Variants in EPRS1 observed in about 807,000 individuals in gnomAD.
The protein encoded by EPRS1 is bifunctional glutamate/proline--tRNA ligase.
EPRS1 carries 107 observed loss-of-function variants against 188.3 expected under a neutral mutation model. The ratio of observed to expected loss-of-function variants is 0.57; its 90% CI spans 0.49 to 0.67. The LOEUF (loss-of-function observed/expected upper bound fraction) is 0.67, where lower values mean the gene tolerates loss of function less well. EPRS1 is among the 30% of genes least tolerant of loss of function. The pLI, the probability that EPRS1 is intolerant of heterozygous loss-of-function variation, is 0.00. For missense variants in EPRS1, 1,577 were observed against 1,802.2 expected (o/e 0.88, Z 2.26); for synonymous variants, 596 against 593.1 (o/e 1.00, Z -0.07).
chr1:220,034,830 A>G lies in EPRS1; in HGVS notation c.231+84T>C. 9.8e-6 allele frequency: 8 copies of G among 813,970 alleles called. No homozygotes were observed. In the South Asian group the frequency reaches 1.1e-4, roughly 11 times the overall value. The allele number at this position is 813,970 out of a possible 1,614,324, so 50.4% of individuals were successfully genotyped here. A position where few individuals can be genotyped will look rare whatever the true frequency, so the allele number is the denominator to read the frequency against. The stretch of plus-strand genomic sequence containing the variant: ...TTAATATCCTTAAGTAGAATAGTTC[A>G]TAAGCCAACAATAAATGATGAGGTT... On this transcript the variant is annotated intron_variant, in intron 3 of 31. Transcript: ENST00000366923.
intron 1 of EPRS1, among the ~76,000 whole-genome samples, chr1:220,045,863 A>T (rs546108763): frequency 6.6e-6 from 1 of 152,330 alleles, no homozygotes; most frequent in Admixed American, 6.5e-5. Flanking sequence ...CGTAAGGAAA[A>T]TTTGACTCAA....
intron 1 of EPRS1, among the ~76,000 whole-genome samples, chr1:220,041,160 G>A (rs1224102564): frequency 6.6e-6 from 1 of 151,034 alleles, no homozygotes; most frequent in East Asian, 2.0e-4. Flanking sequence ...GTGAGACCCC[G>A]TCTCTACAAA....
Position 219,987,418 on chromosome 1 carries a change from A to G in EPRS1, c.2776-14T>C. The G allele has an allele frequency of 6.4e-7, 1 of 1,571,818 alleles. No homozygotes were observed. Among genetic ancestry groups the G allele is most frequent in the Non-Finnish European group, 8.6e-7 (1 of 1,160,660 alleles). On this transcript the variant is annotated splice_polypyrimidine_tract_variant and intron_variant, in intron 19 of 31. Transcript: ENST00000366923. The stretch of plus-strand genomic sequence containing the variant: ...ATCTACTTGATCCTTTAGTTTAACA[A>G]AAGAGGAAAAAGAGAAGACAGTATT...
chr1:219,987,020 T>C, intron 20 of EPRS1, 122 bp downstream of exon 20: 1 of 1,020,886 alleles, frequency 9.8e-7, no homozygotes, highest in Non-Finnish European at 1.5e-6. Context: ...CTGCTGACAT[T>C]GTAGCTTTAG....
rs974436345 is a variant in EPRS1, at chr1:220,001,026, G to A, written c.2181+112C>T. On this transcript the variant is annotated intron_variant, in intron 17 of 31. Coordinates refer to ENST00000366923, the MANE Select transcript of EPRS1 (RefSeq NM_004446.3). ...AAAATGCAAAGAGCAAGACTTAACTGTCTTCTTCAGTCTCCACAGTAAGAA... is the reference window on the plus strand; with the variant it reads ...AAAATGCAAAGAGCAAGACTTAACTATCTTCTTCAGTCTCCACAGTAAGAA... The A allele has an allele frequency of 8.4e-6, 6 of 715,784 alleles. No individual in the cohort carries two copies. In the Admixed American group the frequency reaches 1.1e-4, roughly 13 times the overall value. 44.3% of individuals were successfully genotyped at this position (715,784 alleles called of 1,614,324 possible).
At chr1:220,038,427 G>T in intron 2 of EPRS1, among the ~76,000 whole-genome samples, 1 of 108,150 alleles carries the variant, frequency 9.2e-6, no homozygotes, top group Admixed American at 1.4e-4. Context: ...GTCTCCCTCT[G>T]TCATCCATGC....
chr1:220,046,071 GA>G (rs1437349823), intron 1 of EPRS1, among the ~76,000 whole-genome samples: 1 of 152,192 alleles, frequency 6.6e-6, no homozygotes, highest in Non-Finnish European at 1.5e-5. Context: ...CTGAGAAAAA[GA>G]TCCGAAGCGG....
chr1:220,042,204 C>T (rs1662309569), intron 1 of EPRS1, among the ~76,000 whole-genome samples: 1 of 149,116 alleles, frequency 6.7e-6, no homozygotes, highest in African/African-American at 2.5e-5. Context: ...AAAAAAAGGC[C>T]ACATGCAATG....
At chr1:219,976,340 T>G (rs915820491) in intron 28 of EPRS1, among the ~76,000 whole-genome samples, 12 of 152,164 alleles carry the variant, frequency 7.9e-5, no homozygotes, top group African/African-American at 2.9e-4. Context: ...AATAACTACA[T>G]GCAACACATA....
chr1:219,981,421 T>G lies in EPRS1; in HGVS notation c.3410A>C (p.His1137Pro). 6.2e-7 allele frequency: 1 copy of G among 1,609,354 alleles called. No individual in the cohort carries two copies. Among genetic ancestry groups the G allele is most frequent in the South Asian group, 1.1e-5 (1 of 90,240 alleles). ...ATTGAGCTTGATGGGCAGGTCTCTGTGTGACTGTACCCATTTTGCATATGC... is the reference window on the plus strand; with the variant it reads ...ATTGAGCTTGATGGGCAGGTCTCTGGGTGACTGTACCCATTTTGCATATGC... ...YPAYAKWVQS[H>P]RDLPIKLNQW... Residue 1137 changes from histidine to proline, a missense_variant, in exon 24 of 32, where the codon CAC becomes CCC. By Grantham distance (77) the His-to-Pro change is moderately conservative (BLOSUM62 -2). Coordinates refer to ENST00000366923, the MANE Select transcript of EPRS1 (RefSeq NM_004446.3).
chr1:219,974,579 A>G (rs1874810), intron 28 of EPRS1, among the ~76,000 whole-genome samples: 132,084 of 152,074 alleles, frequency 0.87, 57,734 homozygotes, highest in African/African-American at 0.97. Flanking sequence ...TTTAGATGAC[A>G]GGTGGTCACC....
chr1:220,028,109 A>T lies in EPRS1; in HGVS notation c.623+2277T>A, dbSNP rs1386788502. 2.2e-4 allele frequency among the ~76,000 whole-genome samples: 34 copies of T among 152,120 alleles called. 1 individual carries two copies. The highest frequency in any genetic ancestry group is 2.2e-3 in the Admixed American group (34 of 15,278). ...GTAAATCTAAAACTATTCTAAAATTAAAAATTTATTAAAAATAAAACTAAA... is the reference window on the plus strand; with the variant it reads ...GTAAATCTAAAACTATTCTAAAATTTAAAATTTATTAAAAATAAAACTAAA... On this transcript the variant is annotated intron_variant, in intron 6 of 31. Transcript: ENST00000366923.
rs778070351 is a variant in EPRS1, at chr1:219,984,276, A to G, written c.3039-19T>C. ...ACCCAACCTGCAGATGTGAAAAGTA[A>G]AAGATAAATATCTTCATTCAGCAAC... On this transcript the variant is annotated intron_variant, in intron 20 of 31. Transcript: ENST00000366923. 1.9e-6 allele frequency: 3 copies of G among 1,591,986 alleles called. No homozygotes were observed. Among genetic ancestry groups the G allele is most frequent in the East Asian group, 2.2e-5 (1 of 44,712 alleles).
chr1:219,998,582 C>T (rs1430268649), intron 17 of EPRS1, among the ~76,000 whole-genome samples: 22 of 140,124 alleles, frequency 1.6e-4, no homozygotes, highest in African/African-American at 5.9e-4. Flanking sequence ...CTTGCTCTGC[C>T]GCCAGGCTGG....
Position 219,980,791 on chromosome 1 carries a change from T to G in EPRS1, c.3520A>C (p.Ser1174Arg), listed in dbSNP as rs1016030009. Residue 1174 changes from serine (S) to arginine (R), a missense_variant, in exon 25 of 32, where the codon AGT becomes CGT. Physicochemically the swap from Ser to Arg is moderately radical, Grantham distance 110 (BLOSUM62 -1). Coordinates refer to ENST00000366923, the MANE Select transcript of EPRS1 (RefSeq NM_004446.3). ...TREFLWQEGHSAFATMEEAAE... is the reference protein window; with the variant it reads ...TREFLWQEGHRAFATMEEAAE... Reference sequence around the variant, plus strand: ...GCCTCTTCCATGGTAGCAAAAGCACTGTGCCCTTCCTGCCAAAGAAATTCA... The same window carrying G: ...GCCTCTTCCATGGTAGCAAAAGCACGGTGCCCTTCCTGCCAAAGAAATTCA... 1 of 1,613,496 alleles carries G rather than the reference T, an allele frequency of 6.2e-7. No individual in the cohort carries two copies. Among genetic ancestry groups the G allele is most frequent in the Non-Finnish European group, 8.5e-7 (1 of 1,179,682 alleles).
intron 2 of EPRS1, among the ~76,000 whole-genome samples, chr1:220,039,268 T>G (rs562014588): frequency 6.6e-6 from 1 of 152,264 alleles, no homozygotes; most frequent in Non-Finnish European, 1.5e-5. Flanking sequence ...GGGATCCCAT[T>G]AAACCAGTCA....
intron 19 of EPRS1, among the ~76,000 whole-genome samples, chr1:219,988,350 A>G (rs754411381): frequency 2.6e-5 from 4 of 152,138 alleles, no homozygotes; most frequent in Admixed American, 6.6e-5. Flanking sequence ...TTTAACAATT[A>G]AAATACAGTC....
At position 220,018,980 on chromosome 1, in the gene EPRS1, G is replaced by C. The variant is rs1405911737; in HGVS notation, c.1434+15C>G. 7 of 1,579,006 alleles carry C rather than the reference G, an allele frequency of 4.4e-6. No individual in the cohort carries two copies. The highest frequency in any genetic ancestry group is 3.4e-5 in the Admixed American group (2 of 59,446). Reference sequence around the variant, plus strand: ...AATTTCAAACAGACAAGCTGGAAAAGAAACTGTAACGCACCTGAGCAGCAA... The same window carrying C: ...AATTTCAAACAGACAAGCTGGAAAACAAACTGTAACGCACCTGAGCAGCAA... On this transcript the variant is annotated intron_variant, in intron 11 of 31. Coordinates refer to ENST00000366923, the MANE Select transcript of EPRS1 (RefSeq NM_004446.3).
At chr1:219,996,870 G>T in intron 18 of EPRS1, 113 bp downstream of exon 18, 1 of 1,160,314 alleles carries the variant, frequency 8.6e-7, no homozygotes, top group Non-Finnish European at 1.2e-6. Context: ...AATCAATGTT[G>T]ATTATTACAT....
Sources: gnomAD v4.1 joint callset for allele counts (sites outside exome capture counted in the v4.1 genomes callset) on GRCh38, gnomAD v4.1.1 for gene constraint, MANE v1.5 for transcripts, NCBI Gene and HGNC (gene_info 2026-07-23, HGNC 2026-07-21) for gene names.